MEIKIN: variants seen among roughly 807,000 people sequenced by gnomAD.
MEIKIN encodes the protein meiotic kinetochore factor.
intron 9 of MEIKIN, among the ~76,000 whole-genome samples, chr5:131,874,058 G>T (rs572400535): frequency 1.1e-4 from 16 of 152,266 alleles, no homozygotes; most frequent in Middle Eastern, 3.4e-3. Context: ...ATCTAAAATT[G>T]ACACCCTAAC....
intron 11 of MEIKIN, among the ~76,000 whole-genome samples, chr5:131,819,444 AGGAGGGACAGGG>A (rs1243665851): frequency 2.3e-4 from 4 of 17,236 alleles, no homozygotes; most frequent in African/African-American, 1.1e-3. Flanking sequence ...GAGGGAGAGG[AGGAGGGACAGGG>A]GGAGGGAGGG....
At chr5:131,893,313 G>A (rs1455746397) in intron 8 of MEIKIN, among the ~76,000 whole-genome samples, 3 of 152,178 alleles carry the variant, frequency 2.0e-5, no homozygotes, top group African/African-American at 4.8e-5. Context: ...CCCCAGCCTC[G>A]CTGTTGCCTT....
chr5:131,940,615 T>C (rs550124435), intron 4 of MEIKIN, among the ~76,000 whole-genome samples: 1 of 152,312 alleles, frequency 6.6e-6, no homozygotes, highest in African/African-American at 2.4e-5. Flanking sequence ...AGAATCTGTT[T>C]ATATGGCAGT....
chr5:131,813,283 G>A (rs541049626), intron 12 of MEIKIN, among the ~76,000 whole-genome samples: 2 of 152,104 alleles, frequency 1.3e-5, no homozygotes, highest in Admixed American at 6.5e-5. Context: ...CCTTAAAGTC[G>A]ACAGTTAGAG....
chr5:131,853,924 A>G (rs1305561263), intron 10 of MEIKIN, among the ~76,000 whole-genome samples: 1 of 152,188 alleles, frequency 6.6e-6, no homozygotes, highest in East Asian at 1.9e-4. Context: ...CTACTAAGGA[A>G]AACAGTGTGG....
At chr5:131,915,273 T>C (rs1324138315) in intron 7 of MEIKIN, among the ~76,000 whole-genome samples, 1 of 152,124 alleles carries the variant, frequency 6.6e-6, no homozygotes, top group Non-Finnish European at 1.5e-5. Flanking sequence ...AAATCAGCAA[T>C]GGAGGACCTC....
chr5:131,839,251 T>G (rs1265309665), intron 11 of MEIKIN, among the ~76,000 whole-genome samples: 2 of 152,232 alleles, frequency 1.3e-5, no homozygotes, highest in African/African-American at 4.8e-5. Context: ...TTGCATTTGC[T>G]GAGGAGTGCT....
intron 8 of MEIKIN, among the ~76,000 whole-genome samples, chr5:131,895,265 T>C (rs1751017131): frequency 6.6e-6 from 1 of 152,220 alleles, no homozygotes; most frequent in African/African-American, 2.4e-5. Flanking sequence ...ATAAGCTTCT[T>C]GATGTGCTGC....
chr5:131,910,233 C>T (rs1382441366), intron 8 of MEIKIN, among the ~76,000 whole-genome samples: 1 of 152,110 alleles, frequency 6.6e-6, no homozygotes, highest in Non-Finnish European at 1.5e-5. Flanking sequence ...GAGTACTATT[C>T]AGCCTTAAAA....
chr5:131,857,420 G>A (rs1750214081), intron 9 of MEIKIN, among the ~76,000 whole-genome samples: 1 of 152,180 alleles, frequency 6.6e-6, no homozygotes, highest in Non-Finnish European at 1.5e-5. Context: ...TCTTCTAGGT[G>A]GCTTTAGCTT....
chr5:131,914,684 G>T (rs1360680218), intron 7 of MEIKIN, among the ~76,000 whole-genome samples: 1 of 151,834 alleles, frequency 6.6e-6, no homozygotes, highest in Non-Finnish European at 1.5e-5. Flanking sequence ...ATAAGCAACA[G>T]AAAACAGACT....
intron 8 of MEIKIN, among the ~76,000 whole-genome samples, chr5:131,900,797 AG>A (rs1217466437): frequency 3.3e-5 from 5 of 152,052 alleles, no homozygotes; most frequent in African/African-American, 1.2e-4. Context: ...GCAGCATCAT[AG>A]CTCCTGTGCT....
intron 11 of MEIKIN, among the ~76,000 whole-genome samples, chr5:131,845,036 C>T (rs1341657623): frequency 7.2e-5 from 11 of 151,976 alleles, no homozygotes; most frequent in South Asian, 2.1e-4. Flanking sequence ...TTTGGGAGGC[C>T]GAGGCGGGTG....
intron 11 of MEIKIN, among the ~76,000 whole-genome samples, chr5:131,832,376 C>T (rs972100869): frequency 2.0e-5 from 3 of 152,158 alleles, no homozygotes; most frequent in Non-Finnish European, 4.4e-5. Context: ...GGTGGGTTCT[C>T]ATGGTCTTGG....
intron 12 of MEIKIN, among the ~76,000 whole-genome samples, chr5:131,812,966 A>T (rs1173698238): frequency 6.6e-6 from 1 of 152,234 alleles, no homozygotes; most frequent in Non-Finnish European, 1.5e-5. Context: ...TTACCATGTG[A>T]CCCACACTGC....
At chr5:131,813,924 A>T (rs1437353640) in intron 12 of MEIKIN, among the ~76,000 whole-genome samples, 1 of 152,200 alleles carries the variant, frequency 6.6e-6, no homozygotes, top group Non-Finnish European at 1.5e-5. Context: ...CTCAGGAGCA[A>T]GGAAGCCAGT....
At chr5:131,943,207 T>A (rs550975038) in intron 3 of MEIKIN, among the ~76,000 whole-genome samples, 81 of 152,220 alleles carry the variant, frequency 5.3e-4, no homozygotes, top group African/African-American at 1.7e-3. Context: ...AGAAAAAAAA[T>A]ATCGACTTCC....
At chr5:131,871,729 C>A (rs1453834428) in intron 9 of MEIKIN, among the ~76,000 whole-genome samples, 1 of 152,178 alleles carries the variant, frequency 6.6e-6, no homozygotes, top group African/African-American at 2.4e-5. Context: ...TCCGAGTAGC[C>A]TAACTGGGAG....
chr5:131,876,092 C>A (rs529969798), intron 9 of MEIKIN, among the ~76,000 whole-genome samples: 1 of 152,142 alleles, frequency 6.6e-6, no homozygotes, highest in African/African-American at 2.4e-5. Context: ...TGGGCAAGGA[C>A]TTCATGTCTA....
Sources: gnomAD v4.1 joint callset for allele counts (sites outside exome capture counted in the v4.1 genomes callset) on GRCh38, gnomAD v4.1.1 for gene constraint, MANE v1.5 for transcripts, NCBI Gene and HGNC (gene_info 2026-07-23, HGNC 2026-07-21) for gene names.